SMARCA2: variants seen among roughly 807,000 people sequenced by gnomAD.
The protein encoded by SMARCA2 is SWI/SNF-related matrix-associated actin-dependent regulator of chromatin subfamily A member 2.
In SMARCA2, 61 loss-of-function variants were observed where a neutral mutation model predicts 199.8. That is an observed-to-expected ratio of 0.31 (90% CI 0.25 to 0.38). The LOEUF (loss-of-function observed/expected upper bound fraction) is 0.38. SMARCA2 is among the 10% of genes least tolerant of loss of function. The pLI is 1.00. For synonymous variants in SMARCA2, 935 were observed against 732.0 expected (o/e 1.28, Z -4.48); for missense variants, 1,344 against 2,012.2 (o/e 0.67, Z 6.35).
At chr9:2,080,593 T>TCTTTCCCTCTATCTTCCC (rs1821526604) in intron 14 of SMARCA2, among the ~76,000 whole-genome samples, 1 of 152,216 alleles carries the variant, frequency 6.6e-6, no homozygotes, top group African/African-American at 2.4e-5. Context: ...TAATTTCCCC[T>TCTTTCCCTCTATCTTCCC]CTTTCCCTCT....
intron 13 of SMARCA2, 53 bp from the exon 14 acceptor site, chr9:2,077,576 C>T (rs1821381778): frequency 1.3e-6 from 2 of 1,559,552 alleles, no homozygotes; most frequent in African/African-American, 1.4e-5. Context: ...TGAAGTAAAA[C>T]AACACATGCA....
At chr9:2,075,844 A>G (rs943077673) in intron 12 of SMARCA2, among the ~76,000 whole-genome samples, 2 of 152,254 alleles carry the variant, frequency 1.3e-5, no homozygotes, top group South Asian at 4.1e-4. Context: ...TGTTTTTATG[A>G]GAAGGAGGAT....
At chr9:2,125,214 A>G (rs1316735762) in intron 27 of SMARCA2, among the ~76,000 whole-genome samples, 1 of 152,210 alleles carries the variant, frequency 6.6e-6, no homozygotes, top group African/African-American at 2.4e-5. Context: ...AGCACTGCTC[A>G]TTATTTGTGG....
rs966867044 is a variant in SMARCA2 at position 2,192,969 on chromosome 9, T to C, written c.*230T>C. The C allele has an allele frequency of 1.8e-4, 87 of 493,438 alleles. No homozygotes were observed. Among genetic ancestry groups the C allele is most frequent in the Middle Eastern group, 5.2e-4 (1 of 1,928 alleles). 30.6% of individuals were successfully genotyped at this position (493,438 alleles called of 1,614,324 possible). Reference sequence around the variant, plus strand: ...ACCAAATGGGCCTCAAAGATTCAGATTGAAACAAACAAAAAGCTTTTGATG... The same window carrying C: ...ACCAAATGGGCCTCAAAGATTCAGACTGAAACAAACAAAAAGCTTTTGATG... On this transcript the variant is annotated 3_prime_UTR_variant, in exon 34 of 34. Transcript: ENST00000349721.
At chr9:2,069,357 C>T (rs891740793) in intron 9 of SMARCA2, among the ~76,000 whole-genome samples, 2 of 151,212 alleles carry the variant, frequency 1.3e-5, no homozygotes, top group African/African-American at 4.9e-5. Flanking sequence ...GAGATTGAGA[C>T]CATCGTGGCT....
intron 14 of SMARCA2, among the ~76,000 whole-genome samples, chr9:2,080,785 A>G (rs558098000): frequency 2.0e-5 from 3 of 152,294 alleles, no homozygotes; most frequent in South Asian, 2.1e-4. Flanking sequence ...ATTCTTGTCA[A>G]TACAGTTTTA....
At chr9:2,069,752 C>CT (rs1189426547) in intron 9 of SMARCA2, among the ~76,000 whole-genome samples, 4 of 151,810 alleles carry the variant, frequency 2.6e-5, no homozygotes, top group East Asian at 3.9e-4. Flanking sequence ...ATAGCTTATT[C>CT]TTTTTTTTGA....
rs539617242 is a variant in SMARCA2, at chr9:2,122,092, T to A, written c.3763-1627T>A. Among the ~76,000 whole-genome samples the A allele has an allele frequency of 1.1e-4, 16 of 152,358 alleles. No homozygotes were observed. The East Asian group carries it at 3.1e-3, about 29-fold the overall frequency. On this transcript the variant is annotated intron_variant, in intron 26 of 33. Transcript: ENST00000349721. ...ATTAAGACTTTAAGCTTATCTTATG[T>A]AATCGAATCTACCTTTCCTAAAAGA...
chr9:2,160,693 T>C (rs1586771329), intron 27 of SMARCA2: 7 of 669,344 alleles, frequency 1.0e-5, no homozygotes, highest in African/African-American at 1.8e-5. Flanking sequence ...GGAGGCAATA[T>C]TGAGAGGCAG....
intron 19 of SMARCA2, among the ~76,000 whole-genome samples, chr9:2,093,543 G>A (rs1359618947): frequency 6.6e-6 from 1 of 152,144 alleles, no homozygotes; most frequent in African/African-American, 2.4e-5. Flanking sequence ...TGCCAATGGT[G>A]GTGAGGCCTT....
At chr9:2,033,847 G>C (rs964808126) in intron 3 of SMARCA2, among the ~76,000 whole-genome samples, 8 of 152,166 alleles carry the variant, frequency 5.3e-5, no homozygotes, top group African/African-American at 1.9e-4. Flanking sequence ...TTTTTCCTGT[G>C]TGTCTGTCTG....
intron 10 of SMARCA2, among the ~76,000 whole-genome samples, chr9:2,072,914 C>T (rs1284098945): frequency 6.6e-6 from 1 of 152,206 alleles, no homozygotes; most frequent in Non-Finnish European, 1.5e-5. Flanking sequence ...TGCACCGGTG[C>T]ACCTGTTGGT....
chr9:2,081,982 A>G lies in SMARCA2; in HGVS notation c.2335A>G (p.Ile779Val). 1 of 1,613,258 alleles carries G rather than the reference A, an allele frequency of 6.2e-7. No homozygotes were observed. Among genetic ancestry groups the G allele is most frequent in the Non-Finnish European group, 8.5e-7 (1 of 1,179,614 alleles). The change falls in exon 15 of 34, where the codon ATT (isoleucine) becomes GTT (valine). Residue 779 changes from isoleucine to valine, a missense_variant. By Grantham distance (29) the Ile-to-Val change is conservative. Coordinates refer to ENST00000349721, the MANE Select transcript of SMARCA2 (RefSeq NM_003070.5). ...HKRLNGPYLI[I>V]VPLSTLSNWT... ...AAGACTCAATGGCCCCTATCTCATCATTGTTCCCCTTTCGTAAGTAAAGTC... is the reference window on the plus strand; with the variant it reads ...AAGACTCAATGGCCCCTATCTCATCGTTGTTCCCCTTTCGTAAGTAAAGTC...
At chr9:2,044,690 A>C (rs2130277220) in intron 4 of SMARCA2, 1 of 152,330 alleles carries the variant, frequency 6.6e-6, no homozygotes, top group Non-Finnish European at 1.5e-5. Flanking sequence ...GGCTCACACA[A>C]CTAGCAGGTG....
rs78191733 is a variant in SMARCA2, at chr9:2,054,468, G to A, written c.1047-129G>A. 2.9e-3 allele frequency: 3,262 copies of A among 1,120,582 alleles called. 65 individuals carry two copies. The African/African-American group carries it at 0.044, about 15-fold the overall frequency. 69.4% of individuals were successfully genotyped at this position (1,120,582 alleles called of 1,614,324 possible). A position where few individuals can be genotyped will look rare whatever the true frequency, so the allele number is the denominator to read the frequency against. ...TCAAAAATTCTAGTTGGGTGTTAGA[G>A]ATCAACTATCAGTATCTGGAATATG... is the stretch of plus-strand genomic sequence containing the variant. On this transcript the variant is annotated intron_variant, in intron 5 of 33. Coordinates refer to ENST00000349721, the MANE Select transcript of SMARCA2 (RefSeq NM_003070.5).
intron 27 of SMARCA2, chr9:2,158,584 G>T (rs1825496993): frequency 5.3e-6 from 1 of 189,540 alleles, no homozygotes; most frequent in African/African-American, 2.3e-5. Context: ...TCATTATTGT[G>T]CTGGTAAAAG....
intron 27 of SMARCA2, among the ~76,000 whole-genome samples, chr9:2,157,520 AATATG>A (rs1825429001): frequency 6.6e-6 from 1 of 152,218 alleles, no homozygotes; most frequent in Non-Finnish European, 1.5e-5. Flanking sequence ...AGTGGACAGA[AATATG>A]ATACTGAAAT....
At chr9:2,139,398 G>A (rs1401830821) in intron 27 of SMARCA2, among the ~76,000 whole-genome samples, 1 of 152,162 alleles carries the variant, frequency 6.6e-6, no homozygotes, top group Non-Finnish European at 1.5e-5. Flanking sequence ...TGGTCCTCAT[G>A]TGCTAAGTTA....
At chr9:2,029,281 C>G (rs966195134) in intron 2 of SMARCA2, 34 bp downstream of exon 2, 6 of 1,581,768 alleles carry the variant, frequency 3.8e-6, no homozygotes, top group Non-Finnish European at 5.2e-6. Context: ...AACTCAACTT[C>G]TGATAAGTGG....
Sources: allele counts gnomAD v4.1 joint callset (sites outside exome capture counted in the v4.1 genomes callset), GRCh38; gene constraint gnomAD v4.1.1; transcripts MANE v1.5; gene names NCBI Gene and HGNC (gene_info 2026-07-23, HGNC 2026-07-21).